Variants in VEGFB observed in about 807,000 individuals in gnomAD.
VEGFB encodes VEGF-related factor.
A neutral mutation model predicts 22.5 loss-of-function variants in VEGFB; 24 were observed. That is an observed-to-expected ratio of 1.07 (90% confidence interval 0.77 to 1.50). VEGFB has a LOEUF of 1.50. VEGFB is among the 40% of genes most tolerant of loss of function. The probability of loss-of-function intolerance (pLI) is 0.00; values close to 1 mark genes in which losing one functional copy is unlikely to be tolerated. For missense variants in VEGFB, 327 were observed against 287.8 expected (o/e 1.14, Z -0.99); for synonymous variants, 141 against 117.4 (o/e 1.20, Z -1.30).
chr11:64,236,370 T>G, intron 4 of VEGFB, 43 bp downstream of exon 4: 2 of 1,589,110 alleles, frequency 1.3e-6, no homozygotes, highest in South Asian at 1.1e-5. Flanking sequence ...AGGCCAGGCT[T>G]GGGGGGTGCT....
Position 64,237,623 on chromosome 11 carries a change from G to A in VEGFB, c.614G>A (p.Gly205Asp), listed in dbSNP as rs765568937. 4.5e-6 allele frequency: 7 copies of A among 1,565,432 alleles called. No homozygotes were observed. The highest frequency in any genetic ancestry group is 1.7e-4 in the Middle Eastern group (1 of 6,010). The stretch of plus-strand genomic sequence containing the variant: ...GCCGCAGCTTCCTCCGTTGCCAAGG[G>A]CGGGGCTTAGAGCTCAACCCAGACA... ...ADAAASSVAK[G>D]GA is the part of the protein sequence containing the mutation. The change falls in exon 6 of 7, where the codon GGC becomes GAC. Residue 205 changes from glycine (G) to aspartate (D), a missense_variant. By Grantham distance (94) the Gly-to-Asp change is moderately conservative (BLOSUM62 -1). Transcript: ENST00000309422.
rs1026543090 is a variant in VEGFB at position 64,237,115 on chromosome 11, G to C, written c.375-72G>C. On this transcript the variant is annotated intron_variant, in intron 4 of 6. Transcript: ENST00000309422. ...AGAGAGAGAGAGAGAGAGAGAGAGA[G>C]AGAGAGAGTAGGATGCTGGGATTTC... 41 of 659,038 alleles carry C rather than the reference G, an allele frequency of 6.2e-5. 3 individuals carry two copies. The highest frequency in any genetic ancestry group is 4.8e-4 in the East Asian group (9 of 18,754). 40.8% of individuals were successfully genotyped at this position (659,038 alleles called of 1,614,324 possible). A position where few individuals can be genotyped will look rare whatever the true frequency, so the allele number is the denominator to read the frequency against.
At position 64,234,968 on chromosome 11, in the gene VEGFB, C is replaced by T; in HGVS notation, c.60+75C>T. 1 of 1,199,808 alleles carries T rather than the reference C, an allele frequency of 8.3e-7. No individual in the cohort carries two copies. Among genetic ancestry groups the T allele is most frequent in the Non-Finnish European group, 1.1e-6 (1 of 947,786 alleles). 74.3% of individuals were successfully genotyped at this position (1,199,808 alleles called of 1,614,324 possible). On this transcript the variant is annotated intron_variant, in intron 1 of 6. Coordinates refer to ENST00000309422, the MANE Select transcript of VEGFB (RefSeq NM_003377.5). This position sits in a 1 kb window ranked among gnomAD's most constrained non-coding sequence, Gnocchi z 5.3. ...AGGTTGGCGGAAGTGAGGAGGCGAC[C>T]CGCGGCCTCGGCCGAGGGGATCTGC...
chr11:64,235,734 T>G, intron 2 of VEGFB, 79 bp from the exon 3 acceptor site: 1 of 1,549,032 alleles, frequency 6.5e-7, no homozygotes, highest in South Asian at 1.1e-5. Context: ...GGCTGTGACT[T>G]GGGGACTGGG....
intron 3 of VEGFB, 91 bp from the exon 4 acceptor site, chr11:64,236,163 G>A (rs1362837034): frequency 2.9e-5 from 45 of 1,556,378 alleles, no homozygotes; most frequent in South Asian, 2.1e-4. Flanking sequence ...CCAGCCTCCC[G>A]GCTGTTGGGT....
In VEGFB at chr11:64,238,339, ACTT is replaced by A; in HGVS notation, c.*23-15_*23-13del. On this transcript the variant is annotated splice_polypyrimidine_tract_variant and intron_variant, in intron 6 of 6. Coordinates refer to ENST00000309422, the MANE Select transcript of VEGFB (RefSeq NM_003377.5). Reference sequence around the variant, plus strand: ...GCGCTCCAGCCAGCATGAACAGATCACTTCCTCCCTCCTCAGGTGCCGGAAGCT... The same window carrying A: ...GCGCTCCAGCCAGCATGAACAGATCACCTCCCTCCTCAGGTGCCGGAAGCT... 1 of 1,536,054 alleles carries A rather than the reference ACTT, an allele frequency of 6.5e-7. No individual in the cohort carries two copies. The highest frequency in any genetic ancestry group is 8.7e-7 in the Non-Finnish European group (1 of 1,146,840).
At chr11:64,238,090 C>T (rs1444447324) in intron 6 of VEGFB, among the ~76,000 whole-genome samples, 1 of 152,200 alleles carries the variant, frequency 6.6e-6, no homozygotes, top group Non-Finnish European at 1.5e-5. Context: ...TCCACCCTTA[C>T]CTGATGTGTT....
chr11:64,237,161 C>G (rs764340240), intron 4 of VEGFB, 26 bp from the exon 5 acceptor site: 3 of 1,570,638 alleles, frequency 1.9e-6, no homozygotes, highest in South Asian at 1.2e-5. Context: ...TCTTGTTTGT[C>G]TGTGTCTGTC....
rs900934306 is a variant in VEGFB, at chr11:64,238,808, T to C, written c.*475T>C. The C allele has an allele frequency of 3.3e-5, 7 of 209,404 alleles. No individual in the cohort carries two copies. Among genetic ancestry groups the C allele is most frequent in the Non-Finnish European group, 5.0e-5 (5 of 100,436 alleles). The allele number at this position is 209,404 out of a possible 1,614,324, so 13.0% of individuals were successfully genotyped here. On this transcript the variant is annotated 3_prime_UTR_variant, in exon 7 of 7. Transcript: ENST00000309422. The stretch of plus-strand genomic sequence containing the variant: ...AAGGAGCTGTCCCTGCCTGTGTCAC[T>C]GTTTGTCACTGTCCAGGCTGGCTGG...
rs752959387 is a variant in VEGFB at position 64,237,227 on chromosome 11, G to A, written c.410+5G>A. The stretch of plus-strand genomic sequence containing the variant: ...CAGTGCTGTGAAGCCAGACAGGTGA[G>A]TCTTTTGGACTCCAGCTGAGTAGGG... On this transcript the variant is annotated splice_donor_5th_base_variant and intron_variant, in intron 5 of 6. Coordinates refer to ENST00000309422, the MANE Select transcript of VEGFB (RefSeq NM_003377.5). The A allele has an allele frequency of 6.2e-7, 1 of 1,608,862 alleles. No homozygotes were observed. The highest frequency in any genetic ancestry group is 1.1e-5 in the South Asian group (1 of 90,576).
In VEGFB at chr11:64,234,734, G is replaced by C. The variant is rs1407744945; in HGVS notation, c.-100G>C. 8.8e-6 allele frequency: 3 copies of C among 339,936 alleles called. No homozygotes were observed. The highest frequency in any genetic ancestry group is 1.2e-5 in the Non-Finnish European group (3 of 243,912). The allele number at this position is 339,936 out of a possible 1,614,324, so 21.1% of individuals were successfully genotyped here. On this transcript the variant is annotated 5_prime_UTR_variant, in exon 1 of 7. Coordinates refer to ENST00000309422, the MANE Select transcript of VEGFB (RefSeq NM_003377.5). The surrounding 1 kb of genome is among the most constrained non-coding windows in gnomAD (Gnocchi z 5.3). Reference sequence around the variant, plus strand: ...CCCCCGCGCCCGGCCCCCGCCCGCCGCGCCCGGGCCCGCGCCATGGGGCTC... The same window carrying C: ...CCCCCGCGCCCGGCCCCCGCCCGCCCCGCCCGGGCCCGCGCCATGGGGCTC...
chr11:64,237,127 G>GAGAGAGAT (rs1565318108), intron 4 of VEGFB, 60 bp from the exon 5 acceptor site: 3 of 813,186 alleles, frequency 3.7e-6, no homozygotes, highest in East Asian at 3.2e-5. Context: ...GAGAGAGTAG[G>GAGAGAGAT]ATGCTGGGAT....
Position 64,236,278 on chromosome 11 carries a change from A to G in VEGFB, c.325A>G (p.Ser109Gly). 1 of 1,613,950 alleles carries G rather than the reference A, an allele frequency of 6.2e-7. No homozygotes were observed. Among genetic ancestry groups the G allele is most frequent in the Non-Finnish European group, 8.5e-7 (1 of 1,179,988 alleles). Residue 109 changes from serine (S) to glycine (G), a missense_variant, in exon 4 of 7, where the codon AGT becomes GGT. Physicochemically the swap from Ser to Gly is moderately conservative, Grantham distance 56 (BLOSUM62 0). Coordinates refer to ENST00000309422, the MANE Select transcript of VEGFB (RefSeq NM_003377.5). ...GATCCTCATGATCCGGTACCCGAGC[A>G]GTCAGCTGGGGGAGATGTCCCTGGA... ...MQILMIRYPS[S>G]QLGEMSLEEH...
rs200361063 is a variant in VEGFB, at chr11:64,235,880, T to C, written c.171T>C (p.Thr57=). 8.5e-5 allele frequency: 137 copies of C among 1,613,932 alleles called. 1 individual carries two copies. In the East Asian group the frequency reaches 3.1e-3, roughly 36 times the overall value. Residue 57 remains threonine, a synonymous_variant, in exon 3 of 7, where the codon ACT becomes ACC. Coordinates refer to ENST00000309422, the MANE Select transcript of VEGFB (RefSeq NM_003377.5). ...CCCGGGAGGTGGTGGTGCCCTTGACTGTGGAGCTCATGGGCACCGTGGCCA... is the reference window on the plus strand; with the variant it reads ...CCCGGGAGGTGGTGGTGCCCTTGACCGTGGAGCTCATGGGCACCGTGGCCA... ...CQPREVVVPL[T]VELMGTVAKQ... is the part of the protein sequence containing the mutation.
At position 64,236,023 on chromosome 11, in the gene VEGFB, G is replaced by T; in HGVS notation, c.300+14G>T. ...GTCCGGATGCAGGTACTGGGCAGGT[G>T]GGGCAACGGGCAGGGGATGCAGGTA... is the stretch of plus-strand genomic sequence containing the variant. On this transcript the variant is annotated intron_variant, in intron 3 of 6. Transcript: ENST00000309422. 1 of 1,570,774 alleles carries T rather than the reference G, an allele frequency of 6.4e-7. No individual in the cohort carries two copies.
In VEGFB at chr11:64,235,404, AG is replaced by A. The variant is rs2029928011; in HGVS notation, c.61-51del. On this transcript the variant is annotated intron_variant, in intron 1 of 6. Transcript: ENST00000309422. Reference sequence around the variant, plus strand: ...AGGGCAAAGCCCCAGGGACGGTGACAGGGCCACACCCTCCTAAAGTGTACCT... The same window carrying A: ...AGGGCAAAGCCCCAGGGACGGTGACAGGCCACACCCTCCTAAAGTGTACCT... The A allele has an allele frequency of 2.6e-6, 4 of 1,560,736 alleles. No individual in the cohort carries two copies. In the Admixed American group the frequency reaches 5.1e-5, roughly 20 times the overall value.
At position 64,237,215 on chromosome 11, in the gene VEGFB, CCAGA is replaced by C. The variant is rs775563057; in HGVS notation, c.407_410del (p.Asp136GlyfsTer50). The C allele has an allele frequency of 6.2e-7, 1 of 1,608,752 alleles. No homozygotes were observed. Among genetic ancestry groups the C allele is most frequent in the South Asian group, 1.1e-5 (1 of 90,436 alleles). On this transcript the variant is annotated frameshift_variant, in exon 5 of 7. Coordinates refer to ENST00000309422, the MANE Select transcript of VEGFB (RefSeq NM_003377.5). LOFTEE classifies it high-confidence loss of function. ...TAAAAAAAAGGACAGTGCTGTGAAG[CCAGA>C]CAGGTGAGTCTTTTGGACTCCAGCT...
chr11:64,236,753 C>T (rs1296175510), intron 4 of VEGFB, among the ~76,000 whole-genome samples: 1 of 132,446 alleles, frequency 7.6e-6, no homozygotes. Flanking sequence ...AAGAGTAGAG[C>T]CAAGGGTAGG....
chr11:64,238,259 G>A, intron 6 of VEGFB, 97 bp from the exon 7 acceptor site: 1 of 1,456,910 alleles, frequency 6.9e-7, no homozygotes, highest in Non-Finnish European at 9.3e-7. Flanking sequence ...GTGGCAGGAT[G>A]CTCAGGTTGT....
Sources: gnomAD v4.1 joint callset for allele counts (sites outside exome capture counted in the v4.1 genomes callset) on GRCh38, gnomAD v4.1.1 for gene constraint, Gnocchi (gnomAD v3.1) non-coding constraint, MANE v1.5 for transcripts, NCBI Gene and HGNC (gene_info 2026-07-23, HGNC 2026-07-21) for gene names.